Variants in DGKI observed in about 807,000 individuals in gnomAD.
DGKI encodes DAG kinase iota.
A neutral mutation model predicts 147.5 loss-of-function variants in DGKI; 55 were observed. That is an observed-to-expected ratio of 0.37 (90% CI 0.30 to 0.47). DGKI has a LOEUF of 0.47. Ranked by LOEUF, DGKI falls within the 20% of genes least tolerant of loss-of-function variation. The pLI, the probability that DGKI is intolerant of heterozygous loss-of-function variation, is 1.00. For synonymous variants in DGKI, 469 were observed against 477.1 expected (o/e 0.98, Z 0.22); for missense variants, 1,007 against 1,323.8 (o/e 0.76, Z 3.71).
At chr7:137,801,842 C>T (rs1439498940) in intron 1 of DGKI, among the ~76,000 whole-genome samples, 4 of 152,198 alleles carry the variant, frequency 2.6e-5, no homozygotes, top group African/African-American at 9.7e-5. Context: ...TCAGCTCTCT[C>T]TCCTTGGCAA....
At chr7:137,710,170 C>T (rs903995630) in intron 1 of DGKI, among the ~76,000 whole-genome samples, 1 of 151,964 alleles carries the variant, frequency 6.6e-6, no homozygotes, top group Admixed American at 6.6e-5. Context: ...TGTGTTCATA[C>T]CATGGAAGAC....
At chr7:137,675,484 A>C (rs1022819949) in intron 3 of DGKI, among the ~76,000 whole-genome samples, 3 of 147,042 alleles carry the variant, frequency 2.0e-5, no homozygotes, top group African/African-American at 8.1e-5. Flanking sequence ...CAGGAGTTTG[A>C]GACCAGCCTG....
intron 28 of DGKI, among the ~76,000 whole-genome samples, chr7:137,433,739 T>C (rs116404552): frequency 2.4e-4 from 36 of 152,352 alleles, no homozygotes; most frequent in African/African-American, 8.2e-4. Context: ...TATTGACTTA[T>C]CTGTGGAAAT....
At chr7:137,485,331 T>A in intron 23 of DGKI, 43 bp downstream of exon 23, 1 of 1,491,242 alleles carries the variant, frequency 6.7e-7, no homozygotes, top group Non-Finnish European at 9.2e-7. Flanking sequence ...TGGACTTCAT[T>A]TGGCCAGAAG....
chr7:137,514,035 C>G (rs1296726956), intron 21 of DGKI: 2 of 610,356 alleles, frequency 3.3e-6, no homozygotes, highest in Non-Finnish European at 6.0e-6. Context: ...ATGCTACTGT[C>G]TAGAGCTTGT....
intron 19 of DGKI, among the ~76,000 whole-genome samples, chr7:137,554,128 G>C (rs1267881563): frequency 6.6e-6 from 1 of 152,210 alleles, no homozygotes; most frequent in African/African-American, 2.4e-5. Flanking sequence ...AATCCAAGAT[G>C]GTTGCACAGA....
At position 137,661,387 on chromosome 7, in the gene DGKI, C is replaced by G. The variant is rs1047445869; in HGVS notation, c.607-4847G>C. ...CAAGGAATCACCAGCTATGAGGCCA[C>G]AGTGAGCAAAGGGATGACAGCCAGG... is the stretch of plus-strand genomic sequence containing the variant. On this transcript the variant is annotated intron_variant, in intron 3 of 32. Coordinates refer to ENST00000614521, the MANE Select transcript of DGKI (RefSeq NM_001321708.2). Among the ~76,000 whole-genome samples the G allele has an allele frequency of 3.3e-5, 5 of 152,180 alleles. No individual in the cohort carries two copies. In the East Asian group the frequency reaches 7.8e-4, roughly 24 times the overall value.
At chr7:137,540,892 A>G (rs1385685502) in intron 20 of DGKI, among the ~76,000 whole-genome samples, 2 of 151,996 alleles carry the variant, frequency 1.3e-5, no homozygotes, top group African/African-American at 4.8e-5. Context: ...GGACAAATAA[A>G]ATAAATGAAG....
At position 137,600,994 on chromosome 7, in the gene DGKI, G is replaced by A. The variant is rs368631407; in HGVS notation, c.1168-1089C>T. Reference sequence around the variant, plus strand: ...CAAACAAGAAATGCAAGAAGGGGCCGGGCACGGTGGCTCATGCCTGTAATC... The same window carrying A: ...CAAACAAGAAATGCAAGAAGGGGCCAGGCACGGTGGCTCATGCCTGTAATC... On this transcript the variant is annotated intron_variant, in intron 10 of 32. Coordinates refer to ENST00000614521, the MANE Select transcript of DGKI (RefSeq NM_001321708.2). Among the ~76,000 whole-genome samples, 12 of 152,200 alleles carry A rather than the reference G, an allele frequency of 7.9e-5. No homozygotes were observed. In the East Asian group the frequency reaches 2.1e-3, roughly 27 times the overall value.
At chr7:137,823,906 A>C (rs772298755) in intron 1 of DGKI, among the ~76,000 whole-genome samples, 3 of 152,262 alleles carry the variant, frequency 2.0e-5, no homozygotes, top group Non-Finnish European at 4.4e-5. Context: ...CAATAATACA[A>C]GAAAGAAAAG....
chr7:137,421,888 A>T (rs893837658), intron 28 of DGKI, among the ~76,000 whole-genome samples: 3 of 152,192 alleles, frequency 2.0e-5, no homozygotes, highest in African/African-American at 7.2e-5. Context: ...ATCTGGATTG[A>T]GGAAGACATT....
chr7:137,841,367 GC>G (rs1798539818), intron 1 of DGKI, among the ~76,000 whole-genome samples: 2 of 152,164 alleles, frequency 1.3e-5, no homozygotes, highest in South Asian at 4.1e-4. Context: ...TTAGAAATCA[GC>G]CCATTTTTAT....
Position 137,457,954 on chromosome 7 carries a change from CTT to C in DGKI, c.2735+5533_2735+5534del, listed in dbSNP as rs551611951. 7.6e-4 allele frequency among the ~76,000 whole-genome samples: 115 copies of C among 151,814 alleles called. 1 individual carries two copies. The highest frequency in any genetic ancestry group is 2.0e-3 in the African/African-American group (82 of 41,446). On this transcript the variant is annotated intron_variant, in intron 27 of 32. Coordinates refer to ENST00000614521, the MANE Select transcript of DGKI (RefSeq NM_001321708.2). The stretch of plus-strand genomic sequence containing the variant: ...AAAAAAGCAGCAAATTATATTTCCT[CTT>C]GTTTCCAGAACACTCTATGCATATA...
Position 137,475,404 on chromosome 7 carries a change from G to C in DGKI, c.2374-5785C>G, listed in dbSNP as rs150348003. Among the ~76,000 whole-genome samples, 21 of 152,290 alleles carry C rather than the reference G, an allele frequency of 1.4e-4. No individual in the cohort carries two copies. In the East Asian group the frequency reaches 2.9e-3, roughly 21 times the overall value. On this transcript the variant is annotated intron_variant, in intron 23 of 32. Coordinates refer to ENST00000614521, the MANE Select transcript of DGKI (RefSeq NM_001321708.2). ...AATACAGGATATTGTCTTCAAGGCT[G>C]AATGTCTTCTATCACCAACAAGCAT...
intron 1 of DGKI, among the ~76,000 whole-genome samples, chr7:137,838,081 C>T (rs1267206972): frequency 6.7e-6 from 1 of 148,992 alleles, no homozygotes; most frequent in Non-Finnish European, 1.5e-5. Context: ...CAGCTCACTG[C>T]AACCTCCGCC....
chr7:137,472,194 ATAT>A lies in DGKI; in HGVS notation c.2374-2578_2374-2576del, dbSNP rs1378591800. Among the ~76,000 whole-genome samples the A allele has an allele frequency of 6.4e-3, 747 of 116,650 alleles. 3 individuals carry two copies. Among genetic ancestry groups the A allele is most frequent in the Non-Finnish European group, 8.8e-3 (543 of 62,008 alleles). The allele number at this position is 116,650 out of a possible 152,430, so 76.5% of individuals were successfully genotyped here. ...CACATATATATGTATATACATATAA[ATAT>A]TATATACATACACATATATATGTAT... is the stretch of plus-strand genomic sequence containing the variant. On this transcript the variant is annotated intron_variant, in intron 23 of 32. Coordinates refer to ENST00000614521, the MANE Select transcript of DGKI (RefSeq NM_001321708.2).
intron 21 of DGKI, among the ~76,000 whole-genome samples, chr7:137,506,284 G>A (rs1383060917): frequency 6.6e-6 from 1 of 152,132 alleles, no homozygotes; most frequent in Non-Finnish European, 1.5e-5. Context: ...AAAGAAACGA[G>A]CTATAAAGCA....
At chr7:137,664,237 G>T (rs1218730070) in intron 3 of DGKI, among the ~76,000 whole-genome samples, 1 of 151,914 alleles carries the variant, frequency 6.6e-6, no homozygotes, top group East Asian at 1.9e-4. Context: ...AATTAGCTGG[G>T]CATGGTGGCG....
intron 1 of DGKI, among the ~76,000 whole-genome samples, chr7:137,832,723 AG>A (rs1472857003): frequency 6.6e-6 from 1 of 152,166 alleles, no homozygotes; most frequent in African/African-American, 2.4e-5. Flanking sequence ...AAATTTCTGC[AG>A]CCAGCTTGAA....
Sources: gnomAD v4.1 joint callset for allele counts (sites outside exome capture counted in the v4.1 genomes callset) on GRCh38, gnomAD v4.1.1 for gene constraint, MANE v1.5 for transcripts, NCBI Gene and HGNC (gene_info 2026-07-23, HGNC 2026-07-21) for gene names.